DYNC2H1: variants seen among roughly 807,000 people sequenced by gnomAD.
The protein encoded by DYNC2H1 is cytoplasmic dynein 2 heavy chain 1.
In DYNC2H1, 410 loss-of-function variants were observed where a neutral mutation model predicts 570.0. The ratio of observed to expected loss-of-function variants is 0.72; its 90% CI spans 0.66 to 0.78. The LOEUF (loss-of-function observed/expected upper bound fraction) is 0.78. Ranked by LOEUF, DYNC2H1 falls within the 30% of genes least tolerant of loss-of-function variation. The probability of loss-of-function intolerance (pLI) is 0.00; values close to 1 mark genes in which losing one functional copy is unlikely to be tolerated. For synonymous variants in DYNC2H1, 1,688 were observed against 1,677.6 expected (o/e 1.01, Z -0.15); for missense variants, 4,865 against 5,046.4 (o/e 0.96, Z 1.09).
At chr11:103,161,701 T>A (rs1255410494) in intron 29 of DYNC2H1, among the ~76,000 whole-genome samples, 1 of 152,160 alleles carries the variant, frequency 6.6e-6, no homozygotes, top group Non-Finnish European at 1.5e-5. Context: ...TACATTTTAG[T>A]TGTCTTTACT....
In DYNC2H1 at chr11:103,135,961, TA is replaced by T. The variant is rs1859516620; in HGVS notation, c.2574+15del. The T allele has an allele frequency of 6.6e-7, 1 of 1,525,628 alleles. No homozygotes were observed. Among genetic ancestry groups the T allele is most frequent in the African/African-American group, 1.4e-5 (1 of 72,496 alleles). 94.5% of individuals were successfully genotyped at this position (1,525,628 alleles called of 1,614,324 possible). On this transcript the variant is annotated intron_variant, in intron 17 of 88. Coordinates refer to ENST00000375735, the MANE Select transcript of DYNC2H1 (RefSeq NM_001377.3). ...ACACCAACATAAGGTATAGAACATG[TA>T]ATGTTCCATCCTTCCATCATAAAAT...
intron 73 of DYNC2H1, 124 bp from the exon 74 acceptor site, chr11:103,286,131 C>A: frequency 7.7e-7 from 1 of 1,302,924 alleles, no homozygotes; most frequent in Non-Finnish European, 1.1e-6. Context: ...GACAAGGCAA[C>A]ACAAAGTAGA....
chr11:103,384,684 A>G (rs1215104543), intron 83 of DYNC2H1, among the ~76,000 whole-genome samples: 1 of 152,156 alleles, frequency 6.6e-6, no homozygotes, highest in Non-Finnish European at 1.5e-5. Context: ...CAAGAAGCTT[A>G]GTATATTGTA....
chr11:103,181,189 T>C lies in DYNC2H1; in HGVS notation c.6348-568T>C, dbSNP rs1861836141. ...TAGGAAGATCTTTAAATTTTAATAGTGGCATGGGAATTTAGGTAGTTGGAT... is the reference window on the plus strand; with the variant it reads ...TAGGAAGATCTTTAAATTTTAATAGCGGCATGGGAATTTAGGTAGTTGGAT... On this transcript the variant is annotated intron_variant, in intron 39 of 88. Transcript: ENST00000375735. The surrounding 1 kb of genome is among the most constrained non-coding windows in gnomAD (Gnocchi z 5.0). Among the ~76,000 whole-genome samples, 1 of 151,650 alleles carries C rather than the reference T, an allele frequency of 6.6e-6. No homozygotes were observed.
Position 103,304,582 on chromosome 11 carries a change from T to C in DYNC2H1, c.11257-13T>C. ...TCTGTTTTTAAATTTTGTTTGTTTT[T>C]TTGCTTTTGTAGGTTGCCATGGGTC... On this transcript the variant is annotated splice_polypyrimidine_tract_variant and intron_variant, in intron 76 of 88. Transcript: ENST00000375735. The C allele has an allele frequency of 6.2e-7, 1 of 1,606,458 alleles. No homozygotes were observed. The highest frequency in any genetic ancestry group is 8.5e-7 in the Non-Finnish European group (1 of 1,175,786).
At chr11:103,344,699 TG>T (rs1939647896) in intron 82 of DYNC2H1, among the ~76,000 whole-genome samples, 1 of 152,240 alleles carries the variant, frequency 6.6e-6, no homozygotes, top group South Asian at 2.1e-4. Context: ...GCTTTGTTTT[TG>T]TAAGACTTCT....
In DYNC2H1 at chr11:103,204,977, A is replaced by G; in HGVS notation, c.8454+13A>G. ...CAGTATGAAGAAAGTAAGTTTAACA[A>G]ATATTAAAAAATTTAAAAGCACATT... On this transcript the variant is annotated intron_variant, in intron 52 of 88. Transcript: ENST00000375735. This position sits in a 1 kb window ranked among gnomAD's most constrained non-coding sequence, Gnocchi z 4.1. The G allele has an allele frequency of 6.5e-7, 1 of 1,538,376 alleles. No homozygotes were observed. The highest frequency in any genetic ancestry group is 8.7e-7 in the Non-Finnish European group (1 of 1,144,440).
intron 55 of DYNC2H1, among the ~76,000 whole-genome samples, chr11:103,216,885 T>G (rs546750899): frequency 9.9e-5 from 15 of 152,126 alleles, no homozygotes; most frequent in Non-Finnish European, 1.9e-4. Context: ...AACTTATGAG[T>G]TTTCTTTCCT....
At chr11:103,466,866 T>C (rs1389875700) in intron 87 of DYNC2H1, among the ~76,000 whole-genome samples, 1 of 152,162 alleles carries the variant, frequency 6.6e-6, no homozygotes, top group Non-Finnish European at 1.5e-5. Flanking sequence ...TAGGTAAAAT[T>C]GAGATTGACC....
intron 75 of DYNC2H1, among the ~76,000 whole-genome samples, chr11:103,291,010 G>T (rs1263776369): frequency 6.6e-6 from 1 of 152,170 alleles, no homozygotes; most frequent in Non-Finnish European, 1.5e-5. Flanking sequence ...AGCAGCCATG[G>T]ATGGGGGAGT....
intron 82 of DYNC2H1, among the ~76,000 whole-genome samples, chr11:103,350,041 A>G (rs1321425542): frequency 2.0e-5 from 3 of 152,066 alleles, no homozygotes; most frequent in South Asian, 4.1e-4. Context: ...TTGGGGGGAT[A>G]TGGATTCTTA....
At chr11:103,339,663 TCGCTGAAG>T (rs1297595845) in intron 82 of DYNC2H1, among the ~76,000 whole-genome samples, 1 of 152,210 alleles carries the variant, frequency 6.6e-6, no homozygotes, top group Admixed American at 6.5e-5. Flanking sequence ...ACTCTTGTCA[TCGCTGAAG>T]CCAGTGTCGT....
At chr11:103,412,579 A>T (rs901619763) in intron 84 of DYNC2H1, among the ~76,000 whole-genome samples, 1 of 152,154 alleles carries the variant, frequency 6.6e-6, no homozygotes, top group East Asian at 1.9e-4. Context: ...CAACATATCT[A>T]TTGGTTATAC....
In DYNC2H1 at chr11:103,120,724, G is replaced by T; in HGVS notation, c.1170G>T (p.Lys390Asn). ...LWKAAVSQYE[K>N]IIAPAEQKIA... ...AAGCTGCGGTGTCTCAATATGAAAA[G>T]ATTATTGCACCTGCGGAACAAAAAA... Residue 390 changes from lysine to asparagine, a missense_variant, in exon 8 of 89, where the codon AAG becomes AAT. Transcript: ENST00000375735. 1 of 1,609,708 alleles carries T rather than the reference G, an allele frequency of 6.2e-7. No homozygotes were observed. The highest frequency in any genetic ancestry group is 8.5e-7 in the Non-Finnish European group (1 of 1,177,664).
At chr11:103,112,708 A>C (rs977591685) in intron 1 of DYNC2H1, among the ~76,000 whole-genome samples, 1 of 152,200 alleles carries the variant, frequency 6.6e-6, no homozygotes, top group Non-Finnish European at 1.5e-5. Context: ...CATGAGACCC[A>C]TAGCTGTTCT....
rs1171520277 is a variant in DYNC2H1 at position 103,130,566 on chromosome 11, G to A, written c.1953+1561G>A. On this transcript the variant is annotated intron_variant, in intron 13 of 88. Transcript: ENST00000375735. ...AGATGTCGTATAATCATGCCATGAA[G>A]AAATGACCATTTTAAGAAGTCTGGT... Among the ~76,000 whole-genome samples, 4 of 152,294 alleles carry A rather than the reference G, an allele frequency of 2.6e-5. No homozygotes were observed. The East Asian group carries it at 7.7e-4, about 29-fold the overall frequency.
chr11:103,231,542 G>C (rs1398982180), intron 60 of DYNC2H1, among the ~76,000 whole-genome samples, 196 bp downstream of exon 60: 1 of 151,402 alleles, frequency 6.6e-6, no homozygotes, highest in Non-Finnish European at 1.5e-5. Flanking sequence ...TTTCTCTTTT[G>C]TGTTAAAAAA....
rs1365232282 is a variant in DYNC2H1 at position 103,243,778 on chromosome 11, T to C, written c.9905T>C (p.Val3302Ala). 3.8e-6 allele frequency: 6 copies of C among 1,590,414 alleles called. No homozygotes were observed. In the South Asian group the frequency reaches 6.9e-5, roughly 18 times the overall value. Residue 3302 changes from valine (V) to alanine (A), a missense_variant, in exon 64 of 89, where the codon GTT becomes GCT. Val to Ala is a moderately conservative substitution (Grantham distance 64, BLOSUM62 0). This residue lies in a region of DYNC2H1 where 2,401 missense variants were observed against 2,454.6 expected (regional missense o/e 0.98). Transcript: ENST00000375735. This position sits in a 1 kb window ranked among gnomAD's most constrained non-coding sequence, Gnocchi z 4.8. ...KTHLKDSRLE[V>A]INQQDSNFIT... ...CATTTGAAAGACTCACGTTTAGAAG[T>C]TATCAATCAGCAGGTATGTATTATT... is the stretch of plus-strand genomic sequence containing the variant.
At chr11:103,340,375 A>C (rs1939384420) in intron 82 of DYNC2H1, among the ~76,000 whole-genome samples, 1 of 148,932 alleles carries the variant, frequency 6.7e-6, no homozygotes, top group South Asian at 2.2e-4. Context: ...CGAAAATGTG[A>C]CATTTTGACA....
Sources: gnomAD v4.1 joint callset for allele counts (sites outside exome capture counted in the v4.1 genomes callset) on GRCh38, gnomAD v4.1.1 for gene constraint, gnomAD v4.1.1 regional missense constraint, Gnocchi (gnomAD v3.1) non-coding constraint, MANE v1.5 for transcripts, NCBI Gene and HGNC (gene_info 2026-07-23, HGNC 2026-07-21) for gene names.